Variants in SPTLC3 observed in about 807,000 individuals in gnomAD.
The protein encoded by SPTLC3 is serine palmitoyltransferase 3.
In SPTLC3, 36 loss-of-function variants were observed where a neutral mutation model predicts 59.3. The observed-to-expected ratio is 0.61, with a 90% confidence interval of 0.47 to 0.80. SPTLC3 has a LOEUF of 0.80. Among genes scored for constraint, SPTLC3 ranks in the 30% least tolerant of loss-of-function variants. The pLI is 0.00. For synonymous variants in SPTLC3, 257 were observed against 240.8 expected, an observed-to-expected ratio of 1.07 and a Z score of -0.62; for missense variants, 625 against 685.1, an observed-to-expected ratio of 0.91 and a Z score of 0.98.
intron 9 of SPTLC3, among the ~76,000 whole-genome samples, chr20:13,139,104 T>TCTC (rs1228690458): frequency 6.6e-6 from 1 of 152,156 alleles, no homozygotes; most frequent in Non-Finnish European, 1.5e-5. Flanking sequence ...CCTCCCTCCT[T>TCTC]CTCCTCCTCC....
At chr20:13,018,899 TATTAGAAATATTTTCCGGTGATTTGG>T (rs1985709193) in intron 1 of SPTLC3, among the ~76,000 whole-genome samples, 2 of 152,218 alleles carry the variant, frequency 1.3e-5, no homozygotes, top group African/African-American at 4.8e-5. Flanking sequence ...ATTGCCACCA[TATTAGAAATATTTTCCGGTGATTTGG>T]AGTTCAAATT....
intron 2 of SPTLC3, among the ~76,000 whole-genome samples, chr20:13,066,369 C>T (rs758272217): frequency 1.1e-4 from 17 of 152,146 alleles, no homozygotes; most frequent in Non-Finnish European, 1.9e-4. Context: ...AGATCCATTA[C>T]TGTGAATGCA....
At chr20:13,056,396 A>C (rs1387763360) in intron 2 of SPTLC3, among the ~76,000 whole-genome samples, 1 of 151,330 alleles carries the variant, frequency 6.6e-6, no homozygotes, top group Non-Finnish European at 1.5e-5. Context: ...TGCAGTCACT[A>C]TCTTTCTGAT....
chr20:13,117,606 G>A lies in SPTLC3; in HGVS notation c.1033G>A (p.Gly345Ser). 1 of 1,614,042 alleles carries A rather than the reference G, an allele frequency of 6.2e-7. No individual in the cohort carries two copies. Among genetic ancestry groups the A allele is most frequent in the Non-Finnish European group, 8.5e-7 (1 of 1,179,908 alleles). The change falls in exon 8 of 12, where the codon GGC (glycine) becomes AGC (serine). Residue 345 changes from glycine to serine, a missense_variant. Coordinates refer to ENST00000399002, the MANE Select transcript of SPTLC3 (RefSeq NM_018327.4). ...TGAAGCTCACAGTATTGGGGCCGTG[G>A]GCCCAACCGGCCGGGGTGTCACGGA... ...IDEAHSIGAV[G>S]PTGRGVTEFF...
intron 2 of SPTLC3, among the ~76,000 whole-genome samples, chr20:13,053,362 G>T (rs4814191): frequency 0.62 from 93,732 of 151,696 alleles, 29,369 homozygotes; most frequent in Admixed American, 0.66. Context: ...TCAACAAAAA[G>T]GACGTCCACA....
intron 6 of SPTLC3, among the ~76,000 whole-genome samples, chr20:13,097,307 G>C (rs748077661): frequency 3.8e-4 from 58 of 152,044 alleles, no homozygotes; most frequent in Non-Finnish European, 7.6e-4. Flanking sequence ...GAACAATCAT[G>C]CTAAGAATGT....
intron 11 of SPTLC3, chr20:13,164,237 G>C (rs1211457502): frequency 2.4e-6 from 1 of 425,228 alleles, no homozygotes; most frequent in Admixed American, 2.9e-5. Context: ...TGTGAGTTAA[G>C]TTCTAGTATT....
At position 13,093,657 on chromosome 20, in the gene SPTLC3, G is replaced by C. The variant is rs75359965; in HGVS notation, c.826+80G>C. 2.0e-3 allele frequency: 2,577 copies of C among 1,299,824 alleles called. 6 individuals carry two copies. Among genetic ancestry groups the C allele is most frequent in the Middle Eastern group, 2.4e-3 (12 of 5,036 alleles). The allele number at this position is 1,299,824 out of a possible 1,614,324, so 80.5% of individuals were successfully genotyped here. ...AAGATTATTGATGAGGCTTTGTTCT[G>C]CTCTTCAAGGTGACAACGTAGCCTC... On this transcript the variant is annotated intron_variant, in intron 6 of 11. Transcript: ENST00000399002.
chr20:13,091,911 A>T (rs1989235449), intron 5 of SPTLC3, among the ~76,000 whole-genome samples: 1 of 152,220 alleles, frequency 6.6e-6, no homozygotes, highest in Non-Finnish European at 1.5e-5. Context: ...CTATGTCCTC[A>T]TATAAGGGAA....
chr20:13,021,960 G>T (rs534285556), intron 1 of SPTLC3, among the ~76,000 whole-genome samples: 1 of 152,300 alleles, frequency 6.6e-6, no homozygotes, highest in African/African-American at 2.4e-5. Flanking sequence ...GATGTATAGA[G>T]ATATGTAAAT....
chr20:13,038,063 A>ATATATATATATATATATATATATATAATT (rs1568573202), intron 1 of SPTLC3, among the ~76,000 whole-genome samples: 2 of 130,422 alleles, frequency 1.5e-5, no homozygotes, highest in Admixed American at 7.3e-5. Context: ...TATATATAAT[A>ATATATATATATATATATATATATATAATT]TATCTTCATT....
chr20:13,167,905 T>G lies in SPTLC3; in HGVS notation c.*3038T>G, dbSNP rs2039004013. The G allele has an allele frequency of 6.6e-6, 1 of 152,198 alleles. No homozygotes were observed. Among genetic ancestry groups the G allele is most frequent in the Non-Finnish European group, 1.5e-5 (1 of 68,036 alleles). 9.4% of individuals were successfully genotyped at this position (152,198 alleles called of 1,614,324 possible). On this transcript the variant is annotated 3_prime_UTR_variant, in exon 12 of 12. Coordinates refer to ENST00000399002, the MANE Select transcript of SPTLC3 (RefSeq NM_018327.4). ...TCAAACTCTAATTTGATAAACCAATTGACTCTAATAGCAGGAACCTTGTTC... is the reference window on the plus strand; with the variant it reads ...TCAAACTCTAATTTGATAAACCAATGGACTCTAATAGCAGGAACCTTGTTC...
chr20:13,151,188 C>CT (rs1201382078), intron 9 of SPTLC3, among the ~76,000 whole-genome samples: 3 of 152,174 alleles, frequency 2.0e-5, no homozygotes, highest in Non-Finnish European at 4.4e-5. Context: ...TGCTAATAAG[C>CT]TTTTTTTCTG....
At chr20:13,102,431 CT>C (rs1989635478) in intron 6 of SPTLC3, among the ~76,000 whole-genome samples, 1 of 152,146 alleles carries the variant, frequency 6.6e-6, no homozygotes, top group Non-Finnish European at 1.5e-5. Context: ...GGTGAAGTGA[CT>C]TAGATACACA....
intron 1 of SPTLC3, among the ~76,000 whole-genome samples, chr20:13,011,183 G>A (rs1378951109): frequency 6.6e-6 from 1 of 152,132 alleles, no homozygotes; most frequent in Admixed American, 6.5e-5. Flanking sequence ...TAGGGCAAAC[G>A]AGGGCTTATT....
At chr20:13,094,955 C>T (rs1213909651) in intron 6 of SPTLC3, among the ~76,000 whole-genome samples, 4 of 152,182 alleles carry the variant, frequency 2.6e-5, no homozygotes, top group Admixed American at 6.5e-5. Flanking sequence ...CACTCAATTT[C>T]GGCTTTAGAC....
chr20:13,139,602 C>T (rs186464235), intron 9 of SPTLC3, among the ~76,000 whole-genome samples: 6 of 152,300 alleles, frequency 3.9e-5, no homozygotes, highest in Admixed American at 3.9e-4. Flanking sequence ...CATTGCATTT[C>T]TGCCCACATT....
At position 13,074,329 on chromosome 20, in the gene SPTLC3, A is replaced by C; in HGVS notation, c.459-20A>C. 1 of 1,612,700 alleles carries C rather than the reference A, an allele frequency of 6.2e-7. No individual in the cohort carries two copies. The highest frequency in any genetic ancestry group is 8.5e-7 in the Non-Finnish European group (1 of 1,179,218). On this transcript the variant is annotated intron_variant, in intron 3 of 11. Coordinates refer to ENST00000399002, the MANE Select transcript of SPTLC3 (RefSeq NM_018327.4). ...ATCCTGGGGAGGGGATTATGTGCTC[A>C]TTTACATGTTTCCCCACAGGTTTAC...
At chr20:13,155,655 T>C (rs1442810277) in intron 10 of SPTLC3, among the ~76,000 whole-genome samples, 1 of 151,942 alleles carries the variant, frequency 6.6e-6, no homozygotes, top group Admixed American at 6.6e-5. Flanking sequence ...TGAAACCCCG[T>C]GTCTACAAAA....
Sources: gnomAD v4.1 joint callset for allele counts (sites outside exome capture counted in the v4.1 genomes callset) on GRCh38, gnomAD v4.1.1 for gene constraint, MANE v1.5 for transcripts, NCBI Gene and HGNC (gene_info 2026-07-23, HGNC 2026-07-21) for gene names.